The following STX12 variants were observed in gnomAD, a reference collection of about 807,000 sequenced individuals.
The protein encoded by STX12 is syntaxin 12.
Under a neutral mutation model 42.2 loss-of-function variants are expected in STX12, and 17 were observed. That is an observed-to-expected ratio of 0.40 (90% CI 0.28 to 0.60). The LOEUF is 0.60. Ranked by LOEUF, STX12 falls within the 20% of genes least tolerant of loss-of-function variation. STX12 has a pLI of 0.39. For missense variants in STX12, 297 were observed against 330.9 expected (o/e 0.90, Z 0.79); for synonymous variants, 108 against 116.7 (o/e 0.93, Z 0.48).
rs2088998117 is a variant in STX12 at position 27,823,304 on chromosome 1, A to C, written c.*975A>C. The stretch of plus-strand genomic sequence containing the variant: ...TTAAAGATAGATTGAGGTTGGTTTA[A>C]AATTATTCCTGTAAACCAACAATAA... On this transcript the variant is annotated 3_prime_UTR_variant, in exon 9 of 9. Transcript: ENST00000373943. The C allele has an allele frequency of 6.6e-6, 1 of 152,574 alleles. No homozygotes were observed. Among genetic ancestry groups the C allele is most frequent in the Non-Finnish European group, 1.5e-5 (1 of 68,040 alleles). 9.5% of individuals were successfully genotyped at this position (152,574 alleles called of 1,614,324 possible).
intron 7 of STX12, among the ~76,000 whole-genome samples, chr1:27,818,502 TGTAGAA>T (rs1409427572): frequency 6.6e-6 from 1 of 152,194 alleles, no homozygotes; most frequent in Non-Finnish European, 1.5e-5. Context: ...TGTTATCAAA[TGTAGAA>T]GTTAAATGAG....
intron 6 of STX12, among the ~76,000 whole-genome samples, chr1:27,815,987 C>G (rs1007888973): frequency 1.7e-4 from 26 of 151,906 alleles, no homozygotes; most frequent in African/African-American, 6.3e-4. Flanking sequence ...ACCAGCCTGG[C>G]CAATGTGGTG....
chr1:27,787,623 C>T (rs983726891), intron 1 of STX12, among the ~76,000 whole-genome samples: 13 of 151,722 alleles, frequency 8.6e-5, no homozygotes, highest in Non-Finnish European at 1.5e-4. Context: ...CATGCCACTG[C>T]ACTCCAGCCT....
In STX12 at chr1:27,778,804, AGGCTGGAATGC is replaced by A. The variant is rs1409720717; in HGVS notation, c.118+5380_118+5390del. On this transcript the variant is annotated intron_variant, in intron 1 of 8. Coordinates refer to ENST00000373943, the MANE Select transcript of STX12 (RefSeq NM_177424.3). ...GAGTGGAGGTCTCACTCTGTCACCC[AGGCTGGAATGC>A]AGTGTGCAATCGTAGTCCACTGTAA... Among the ~76,000 whole-genome samples, 8 of 152,308 alleles carry A rather than the reference AGGCTGGAATGC, an allele frequency of 5.3e-5. No individual in the cohort carries two copies. The East Asian group carries it at 1.3e-3, about 26-fold the overall frequency.
intron 7 of STX12, among the ~76,000 whole-genome samples, chr1:27,818,376 G>A (rs1416282444): frequency 2.8e-5 from 4 of 142,414 alleles, no homozygotes; most frequent in East Asian, 4.0e-4. Context: ...ATGAGACTTC[G>A]TCTCAATTAA....
rs2088763624 is a variant in STX12 at position 27,793,544 on chromosome 1, A to C, written c.200A>C (p.Gln67Pro). The C allele has an allele frequency of 9.3e-6, 15 of 1,613,964 alleles. No homozygotes were observed. The highest frequency in any genetic ancestry group is 1.3e-5 in the Non-Finnish European group (15 of 1,179,968). ...CTTTTCTCTCTTAGGCAACAGTTACAACACTCCACAAATCAGCTCGCCAAG... is the reference window on the plus strand; with the variant it reads ...CTTTTCTCTCTTAGGCAACAGTTACCACACTCCACAAATCAGCTCGCCAAG... ...SKLQENLQQL[Q>P]HSTNQLAKET... Residue 67 changes from glutamine (Q) to proline (P), a missense_variant, in exon 3 of 9, where the codon CAA (glutamine) becomes CCA (proline). Gln to Pro is a moderately conservative substitution (Grantham distance 76, BLOSUM62 -1). Coordinates refer to ENST00000373943, the MANE Select transcript of STX12 (RefSeq NM_177424.3).
At chr1:27,819,549 A>G in intron 7 of STX12, 101 bp from the exon 8 acceptor site, 3 of 900,106 alleles carry the variant, frequency 3.3e-6, no homozygotes, top group Non-Finnish European at 3.4e-6. Context: ...TAGTTTGGAT[A>G]GTGGTAGTGA....
At chr1:27,800,820 C>T (rs1377046913) in intron 3 of STX12, among the ~76,000 whole-genome samples, 1 of 152,090 alleles carries the variant, frequency 6.6e-6, no homozygotes, top group Non-Finnish European at 1.5e-5. Flanking sequence ...TGCTCAACCT[C>T]AGCATATGTT....
At chr1:27,777,859 C>T (rs1484933746) in intron 1 of STX12, among the ~76,000 whole-genome samples, 1 of 151,848 alleles carries the variant, frequency 6.6e-6, no homozygotes, top group Non-Finnish European at 1.5e-5. Flanking sequence ...TGCACTCTGG[C>T]CTGGATGACA....
chr1:27,811,915 A>C (rs1056391670), intron 5 of STX12: 13 of 574,964 alleles, frequency 2.3e-5, no homozygotes, highest in Admixed American at 1.8e-4. Flanking sequence ...AACAGCCAGG[A>C]GTCCCATCCG....
chr1:27,824,054 C>T lies in STX12; in HGVS notation c.*1725C>T, dbSNP rs1353379277. The T allele has an allele frequency of 6.6e-6, 1 of 151,806 alleles. No homozygotes were observed. The highest frequency in any genetic ancestry group is 2.4e-5 in the African/African-American group (1 of 41,312). 9.4% of individuals were successfully genotyped at this position (151,806 alleles called of 1,614,324 possible). A position where few individuals can be genotyped will look rare whatever the true frequency, so the allele number is the denominator to read the frequency against. ...GATCAGCCTGGGCAGTATAGCAAGA[C>T]CCCATCTCCATTTTTTTTTTAATGA... On this transcript the variant is annotated 3_prime_UTR_variant, in exon 9 of 9. Coordinates refer to ENST00000373943, the MANE Select transcript of STX12 (RefSeq NM_177424.3).
chr1:27,782,225 G>A (rs903469414), intron 1 of STX12, among the ~76,000 whole-genome samples: 25 of 152,000 alleles, frequency 1.6e-4, no homozygotes, highest in Non-Finnish European at 3.7e-4. Flanking sequence ...TCCACCTTCC[G>A]AGTAGCTAGG....
chr1:27,783,368 T>C (rs1315560849), intron 1 of STX12, among the ~76,000 whole-genome samples: 3 of 152,176 alleles, frequency 2.0e-5, no homozygotes, highest in Non-Finnish European at 4.4e-5. Flanking sequence ...GGAGTCGCGC[T>C]CTGTTGCCGA....
At chr1:27,817,622 G>A (rs1175386244) in intron 6 of STX12, among the ~76,000 whole-genome samples, 1 of 152,110 alleles carries the variant, frequency 6.6e-6, no homozygotes, top group African/African-American at 2.4e-5. Flanking sequence ...CGCTCTTACT[G>A]GTTCTCATGT....
chr1:27,790,987 G>A (rs1180814882), intron 2 of STX12, among the ~76,000 whole-genome samples: 1 of 151,692 alleles, frequency 6.6e-6, no homozygotes, highest in Non-Finnish European at 1.5e-5. Context: ...TGGGCCGGGT[G>A]TGGTGGCTCA....
chr1:27,810,854 G>A (rs2088897710), intron 5 of STX12, among the ~76,000 whole-genome samples: 1 of 152,088 alleles, frequency 6.6e-6, no homozygotes, highest in Non-Finnish European at 1.5e-5. Context: ...CAAAGGCTTG[G>A]GGACTCTGTC....
In STX12 at chr1:27,793,515, A is replaced by C. The variant is rs375125048; in HGVS notation, c.189-18A>C. On this transcript the variant is annotated intron_variant, in intron 2 of 8. Coordinates refer to ENST00000373943, the MANE Select transcript of STX12 (RefSeq NM_177424.3). The stretch of plus-strand genomic sequence containing the variant: ...TCAAGAAGTGACAACATCCTGAAAC[A>C]TATCTTTTCTCTCTTAGGCAACAGT... 14 of 1,607,940 alleles carry C rather than the reference A, an allele frequency of 8.7e-6. No homozygotes were observed. Among genetic ancestry groups the C allele is most frequent in the Non-Finnish European group, 1.2e-5 (14 of 1,174,490 alleles).
Position 27,804,016 on chromosome 1 carries a change from AAAC to A in STX12, c.426+2204_426+2206del, listed in dbSNP as rs2088843712. 3.3e-5 allele frequency among the ~76,000 whole-genome samples: 5 copies of A among 152,092 alleles called. No individual in the cohort carries two copies. The South Asian group carries it at 1.0e-3, about 32-fold the overall frequency. ...ATTGTATCTCAAAAAACAAAAAACA[AAAC>A]AAAAAAAACCCCAGAATTCCCATGA... On this transcript the variant is annotated intron_variant, in intron 4 of 8. Coordinates refer to ENST00000373943, the MANE Select transcript of STX12 (RefSeq NM_177424.3).
intron 4 of STX12, chr1:27,809,961 T>C (rs1184279947): frequency 2.7e-5 from 7 of 255,154 alleles, no homozygotes; most frequent in Non-Finnish European, 3.7e-5. Context: ...TTTTAAAATA[T>C]TTTATTGTTG....
Sources: gnomAD v4.1 joint callset for allele counts (sites outside exome capture counted in the v4.1 genomes callset) on GRCh38, gnomAD v4.1.1 for gene constraint, MANE v1.5 for transcripts, NCBI Gene and HGNC (gene_info 2026-07-23, HGNC 2026-07-21) for gene names.